The following SLCO1B1 variants were observed in gnomAD, a reference collection of about 807,000 sequenced individuals.
SLCO1B1 encodes OATP-2.
A neutral mutation model predicts 70.1 loss-of-function variants in SLCO1B1; 81 were observed. The ratio of observed to expected loss-of-function variants is 1.16; its 90% confidence interval spans 0.97 to 1.39. The LOEUF is 1.39. SLCO1B1 is among the 40% of genes most tolerant of loss of function. The pLI is 0.00. For missense variants in SLCO1B1, 895 were observed against 799.6 expected, an observed-to-expected ratio of 1.12 and a Z score of -1.44; for synonymous variants, 283 against 271.5, an observed-to-expected ratio of 1.04 and a Z score of -0.42.
At chr12:21,215,005 T>C (rs902516581) in intron 11 of SLCO1B1, among the ~76,000 whole-genome samples, 4 of 152,108 alleles carry the variant, frequency 2.6e-5, no homozygotes, top group African/African-American at 9.7e-5. Flanking sequence ...CAGATGGAAA[T>C]GCAGAAATCA....
intron 7 of SLCO1B1, among the ~76,000 whole-genome samples, chr12:21,185,695 G>C (rs1940956151): frequency 6.6e-6 from 1 of 151,560 alleles, no homozygotes; most frequent in Non-Finnish European, 1.5e-5. Context: ...GAAAAAAAAA[G>C]GACAACCCCA....
intron 2 of SLCO1B1, among the ~76,000 whole-genome samples, chr12:21,149,153 A>C (rs1940431965): frequency 6.6e-6 from 1 of 152,174 alleles, no homozygotes; most frequent in South Asian, 2.1e-4. Flanking sequence ...TAAATATACA[A>C]TCATATCATC....
chr12:21,219,452 C>G (rs939547815), intron 12 of SLCO1B1, among the ~76,000 whole-genome samples: 2 of 152,154 alleles, frequency 1.3e-5, no homozygotes, highest in African/African-American at 4.8e-5. Flanking sequence ...AGCAAGAGAG[C>G]TAGCCTAGTT....
At chr12:21,222,094 T>C (rs1267156074) in intron 12 of SLCO1B1, among the ~76,000 whole-genome samples, 1 of 151,950 alleles carries the variant, frequency 6.6e-6, no homozygotes, top group Non-Finnish European at 1.5e-5. Flanking sequence ...GAAATCATGA[T>C]GCATTGAATA....
At chr12:21,180,892 C>G (rs1940887454) in intron 7 of SLCO1B1, among the ~76,000 whole-genome samples, 1 of 152,158 alleles carries the variant, frequency 6.6e-6, no homozygotes, top group Non-Finnish European at 1.5e-5. Context: ...CATCACCATA[C>G]AATTTCTAAC....
intron 7 of SLCO1B1, among the ~76,000 whole-genome samples, chr12:21,190,225 C>T (rs1941013474): frequency 1.3e-5 from 2 of 152,326 alleles, no homozygotes; most frequent in South Asian, 4.1e-4. Flanking sequence ...CTTTGACCAT[C>T]CGTACACGTG....
chr12:21,230,160 T>C (rs1338414436), intron 14 of SLCO1B1, among the ~76,000 whole-genome samples: 1 of 152,158 alleles, frequency 6.6e-6, no homozygotes, highest in Non-Finnish European at 1.5e-5. Flanking sequence ...GTTAATGTAA[T>C]GAACTGTAAG....
At chr12:21,169,725 G>T (rs757078122) in intron 2 of SLCO1B1, among the ~76,000 whole-genome samples, 1 of 146,140 alleles carries the variant, frequency 6.8e-6, no homozygotes, top group East Asian at 2.0e-4. Context: ...ATTTGTTTTT[G>T]GTCAGTTTCT....
chr12:21,221,252 A>G (rs115626275), intron 12 of SLCO1B1, among the ~76,000 whole-genome samples: 1,644 of 152,288 alleles, frequency 0.011, 31 homozygotes, highest in African/African-American at 0.036. Flanking sequence ...GACCTGAAAC[A>G]AGACAAGTGT....
At chr12:21,152,142 T>C (rs1316642599) in intron 2 of SLCO1B1, among the ~76,000 whole-genome samples, 1 of 152,130 alleles carries the variant, frequency 6.6e-6, no homozygotes, top group Non-Finnish European at 1.5e-5. Flanking sequence ...ATCTCAGATA[T>C]CCTGTTTTCA....
At chr12:21,202,076 G>A (rs1286314463) in intron 9 of SLCO1B1, among the ~76,000 whole-genome samples, 1 of 152,072 alleles carries the variant, frequency 6.6e-6, no homozygotes, top group African/African-American at 2.4e-5. Context: ...GGATGAAGCT[G>A]GAAACCATCA....
At chr12:21,214,627 C>G (rs1480824327) in intron 11 of SLCO1B1, among the ~76,000 whole-genome samples, 1 of 149,296 alleles carries the variant, frequency 6.7e-6, no homozygotes, top group African/African-American at 2.5e-5. Flanking sequence ...TTTTCCTAAT[C>G]AAGCCTGGGC....
intron 11 of SLCO1B1, among the ~76,000 whole-genome samples, chr12:21,207,458 A>G (rs1007602347): frequency 1.3e-5 from 2 of 152,020 alleles, no homozygotes; most frequent in Admixed American, 1.3e-4. Flanking sequence ...GGTTGCTGCA[A>G]GGGACATTAT....
intron 1 of SLCO1B1, 27 bp from the exon 2 acceptor site, chr12:21,141,487 T>C (rs767467926): frequency 5.4e-6 from 4 of 740,302 alleles, no homozygotes; most frequent in African/African-American, 1.8e-5. Context: ...AAAAATAAAA[T>C]AAACTATACT....
chr12:21,158,709 C>A (rs1940574051), intron 2 of SLCO1B1, among the ~76,000 whole-genome samples: 1 of 151,888 alleles, frequency 6.6e-6, no homozygotes, highest in Admixed American at 6.6e-5. Context: ...AAAAAAAATT[C>A]TCACATTATT....
intron 2 of SLCO1B1, among the ~76,000 whole-genome samples, chr12:21,168,889 G>C (rs924052140): frequency 2.0e-5 from 3 of 152,100 alleles, no homozygotes; most frequent in Admixed American, 6.6e-5. Context: ...GATATAGTCT[G>C]ATTTGTGTAT....
At position 21,229,394 on chromosome 12, in the gene SLCO1B1, A is replaced by T. The variant is rs74947496; in HGVS notation, c.1865+4555A>T. Among the ~76,000 whole-genome samples, 902 of 152,250 alleles carry T rather than the reference A, an allele frequency of 5.9e-3. 12 individuals are homozygous for T. The highest frequency in any genetic ancestry group is 0.021 in the African/African-American group (874 of 41,542). ...TAAAAATCCTCTGCTCTGCCTATTC[A>T]TTCCTTCCTCCTCTAAAACCCCTGG... is the stretch of plus-strand genomic sequence containing the variant. On this transcript the variant is annotated intron_variant, in intron 14 of 14. Coordinates refer to ENST00000256958, the MANE Select transcript of SLCO1B1 (RefSeq NM_006446.5).
chr12:21,204,479 A>C (rs1941191630), intron 10 of SLCO1B1, among the ~76,000 whole-genome samples: 1 of 151,544 alleles, frequency 6.6e-6, no homozygotes, highest in Non-Finnish European at 1.5e-5. Flanking sequence ...TCAATCTTTT[A>C]TAAGAGTGTG....
chr12:21,202,105 A>G (rs1007190551), intron 9 of SLCO1B1, among the ~76,000 whole-genome samples: 2 of 152,154 alleles, frequency 1.3e-5, no homozygotes, highest in African/African-American at 4.8e-5. Context: ...AAACTAACAC[A>G]GGAACAGAAA....
Sources: gnomAD v4.1 joint callset for allele counts (sites outside exome capture counted in the v4.1 genomes callset) on GRCh38, gnomAD v4.1.1 for gene constraint, MANE v1.5 for transcripts, NCBI Gene and HGNC (gene_info 2026-07-23, HGNC 2026-07-21) for gene names.